The following CNTNAP3B variants were observed in gnomAD, a reference collection of about 807,000 sequenced individuals.
CNTNAP3B encodes contactin-associated protein-like 3B.
A neutral mutation model predicts 108.9 loss-of-function variants in CNTNAP3B; 25 were observed. The observed-to-expected ratio is 0.23, with a 90% confidence interval of 0.17 to 0.32. The LOEUF is 0.32. Among genes scored for constraint, CNTNAP3B ranks in the 10% least tolerant of loss-of-function variants. The pLI is 1.00. For synonymous variants in CNTNAP3B, 103 were observed against 473.4 expected (o/e 0.22, Z 10.16); for missense variants, 252 against 1,210.4 (o/e 0.21, Z 11.75).
intron 1 of CNTNAP3B, among the ~76,000 whole-genome samples, chr9:42,118,005 A>C (rs1378227902): frequency 1.5e-5 from 2 of 133,596 alleles, no homozygotes; most frequent in African/African-American, 6.0e-5. Flanking sequence ...ATAGACCAAT[A>C]ACAGGCTCTG....
chr9:42,125,249 G>A (rs1209955192), intron 1 of CNTNAP3B, among the ~76,000 whole-genome samples: 1 of 138,420 alleles, frequency 7.2e-6, no homozygotes, highest in Non-Finnish European at 1.5e-5. Flanking sequence ...GTATTTAGTT[G>A]CCTTGTTTTC....
chr9:42,109,054 G>C (rs1369347402), intron 1 of CNTNAP3B, among the ~76,000 whole-genome samples: 1 of 138,582 alleles, frequency 7.2e-6, no homozygotes, highest in African/African-American at 2.9e-5. Flanking sequence ...CTAAGACAGA[G>C]ATGATATACT....
intron 11 of CNTNAP3B, among the ~76,000 whole-genome samples, 192 bp from the exon 12 acceptor site, chr9:41,961,084 CAA>C (rs1825074739): frequency 6.6e-6 from 1 of 152,302 alleles, no homozygotes; most frequent in African/African-American, 2.4e-5. Context: ...TTTTTATTAA[CAA>C]AGGAGAAAAA....
At chr9:42,003,449 A>G (rs1826040914) in intron 4 of CNTNAP3B, among the ~76,000 whole-genome samples, 1 of 94,878 alleles carries the variant, frequency 1.1e-5, no homozygotes, top group Non-Finnish European at 2.3e-5. Flanking sequence ...GTGTTCTATC[A>G]ATCACCTTCA....
intron 13 of CNTNAP3B, among the ~76,000 whole-genome samples, chr9:41,941,220 C>A (rs1275728006): frequency 1.3e-5 from 2 of 150,434 alleles, no homozygotes; most frequent in Non-Finnish European, 3.0e-5. Context: ...ATAAAAATTA[C>A]CTTAAATGTA....
At chr9:42,098,415 TACA>T (rs1564195145) in intron 2 of CNTNAP3B, among the ~76,000 whole-genome samples, 1 of 19,266 alleles carries the variant, frequency 5.2e-5, no homozygotes, top group Non-Finnish European at 1.3e-4. Flanking sequence ...CTACTAAAAA[TACA>T]AAAAAAAAAA....
chr9:42,045,353 T>C (rs1190961374), intron 3 of CNTNAP3B, among the ~76,000 whole-genome samples: 1 of 123,588 alleles, frequency 8.1e-6, no homozygotes. Flanking sequence ...CACAGTTTTG[T>C]ACAGCAGATC....
intron 3 of CNTNAP3B, among the ~76,000 whole-genome samples, chr9:42,018,672 C>T (rs1261522367): frequency 3.1e-4 from 47 of 151,828 alleles, no homozygotes; most frequent in East Asian, 7.8e-4. Flanking sequence ...CTGACTCCTG[C>T]GACTGTCAAA....
At chr9:41,969,868 C>T (rs1051205055) in intron 10 of CNTNAP3B, among the ~76,000 whole-genome samples, 7 of 144,088 alleles carry the variant, frequency 4.9e-5, no homozygotes, top group Non-Finnish European at 9.1e-5. Context: ...TCGTGATCCG[C>T]CAGCCTCAGC....
intron 15 of CNTNAP3B, among the ~76,000 whole-genome samples, chr9:41,928,322 C>T: frequency 6.6e-6 from 1 of 152,070 alleles, no homozygotes; most frequent in East Asian, 1.9e-4. Flanking sequence ...CAACACAATC[C>T]ATTGGCCCAG....
At chr9:41,919,726 A>G (rs1823617254) in intron 18 of CNTNAP3B, among the ~76,000 whole-genome samples, 1 of 152,254 alleles carries the variant, frequency 6.6e-6, no homozygotes, top group Non-Finnish European at 1.5e-5. Context: ...TGTCTCTAAA[A>G]ATTAAAAACA....
At chr9:42,041,371 G>T (rs1826748821) in intron 3 of CNTNAP3B, among the ~76,000 whole-genome samples, 1 of 151,472 alleles carries the variant, frequency 6.6e-6, no homozygotes, top group East Asian at 1.9e-4. Flanking sequence ...AATCTACAAA[G>T]AATTTAAACA....
intron 4 of CNTNAP3B, among the ~76,000 whole-genome samples, chr9:42,003,736 G>T (rs376705052): frequency 7.3e-6 from 1 of 137,102 alleles, no homozygotes; most frequent in African/African-American, 2.9e-5. Context: ...AAGGCAGGTG[G>T]ATCATTTGAG....
At chr9:41,940,821 A>C (rs1442322772) in intron 13 of CNTNAP3B, among the ~76,000 whole-genome samples, 3 of 152,176 alleles carry the variant, frequency 2.0e-5, no homozygotes, top group Non-Finnish European at 4.4e-5. Context: ...TCTCCAAAAC[A>C]ATAACAACAA....
intron 3 of CNTNAP3B, among the ~76,000 whole-genome samples, chr9:42,055,000 G>C (rs1410151605): frequency 7.0e-6 from 1 of 142,604 alleles, no homozygotes; most frequent in Non-Finnish European, 1.5e-5. Flanking sequence ...CTCACATCAA[G>C]ATAAGGTCTT....
Position 41,916,453 on chromosome 9 carries a change from G to T in CNTNAP3B, c.2995+3617C>A, listed in dbSNP as rs1239132517. Reference sequence around the variant, plus strand: ...TTTTTGTGTGTAGATTCAGATTATTGTCTGGGTTATATCCCTTCAACCTGA... The same window carrying T: ...TTTTTGTGTGTAGATTCAGATTATTTTCTGGGTTATATCCCTTCAACCTGA... On this transcript the variant is annotated intron_variant, in intron 18 of 23. Transcript: ENST00000377561. Among the ~76,000 whole-genome samples the T allele has an allele frequency of 3.3e-5, 5 of 151,394 alleles. No individual in the cohort carries two copies. In the East Asian group the frequency reaches 5.8e-4, roughly 18 times the overall value.
rs1181385182 is a variant in CNTNAP3B, at chr9:42,098,358, G to T, written c.196+6271C>A. 1.6e-5 allele frequency among the ~76,000 whole-genome samples: 2 copies of T among 124,084 alleles called. 1 individual carries two copies. The highest frequency in any genetic ancestry group is 5.2e-4 in the East Asian group (2 of 3,856). The allele number at this position is 124,084 out of a possible 152,430, so 81.4% of individuals were successfully genotyped here. A position where few individuals can be genotyped will look rare whatever the true frequency, so the allele number is the denominator to read the frequency against. ...GGAGGCCGAGAAAGGTGGATCACTA[G>T]GTCAGGAGATTGAGACCATCCTGGC... On this transcript the variant is annotated intron_variant, in intron 2 of 23. Coordinates refer to ENST00000377561, the MANE Select transcript of CNTNAP3B (RefSeq NM_001201380.3).
At chr9:41,924,940 T>C (rs1262225945) in intron 15 of CNTNAP3B, among the ~76,000 whole-genome samples, 263 of 152,014 alleles carry the variant, frequency 1.7e-3, no homozygotes, top group African/African-American at 5.6e-3. Flanking sequence ...ATTGGATTCA[T>C]GTTGTGCATT....
At chr9:41,924,542 T>C (rs1823755544) in intron 15 of CNTNAP3B, among the ~76,000 whole-genome samples, 2 of 151,974 alleles carry the variant, frequency 1.3e-5, no homozygotes, top group South Asian at 2.1e-4. Context: ...GTTTGGGACA[T>C]GTTTCATTTG....
Sources: gnomAD v4.1 joint callset for allele counts (sites outside exome capture counted in the v4.1 genomes callset) on GRCh38, gnomAD v4.1.1 for gene constraint, MANE v1.5 for transcripts, NCBI Gene and HGNC (gene_info 2026-07-23, HGNC 2026-07-21) for gene names.